SLC9C2: variants seen among roughly 807,000 people sequenced by gnomAD.
SLC9C2 encodes the protein sodium/hydrogen exchanger 11.
In SLC9C2, 75 loss-of-function variants were observed where a neutral mutation model predicts 140.2. The ratio of observed to expected loss-of-function variants is 0.53; its 90% CI spans 0.44 to 0.65. The LOEUF is 0.65. Ranked by LOEUF, SLC9C2 falls within the 30% of genes least tolerant of loss-of-function variation. SLC9C2 has a pLI of 0.00. For synonymous variants in SLC9C2, 375 were observed against 420.9 expected (o/e 0.89, Z 1.34); for missense variants, 1,074 against 1,331.8 (o/e 0.81, Z 3.01).
intron 12 of SLC9C2, 71 bp downstream of exon 12, chr1:173,548,318 A>G: frequency 7.0e-7 from 1 of 1,436,756 alleles, no homozygotes; most frequent in East Asian, 2.3e-5. Context: ...GGTCTTTAAC[A>G]ATAGGCTAAA....
At chr1:173,526,790 T>A in intron 18 of SLC9C2, 76 bp from the exon 19 acceptor site, 1 of 1,014,644 alleles carries the variant, frequency 9.9e-7, no homozygotes, top group Non-Finnish European at 1.5e-6. Flanking sequence ...AAACATGCAT[T>A]TCTTCTTATA....
chr1:173,565,425 T>A (rs889279754), intron 9 of SLC9C2, among the ~76,000 whole-genome samples: 2 of 152,222 alleles, frequency 1.3e-5, no homozygotes, highest in Admixed American at 1.3e-4. Flanking sequence ...CTTTCACTTA[T>A]GGATATCCAG....
At chr1:173,559,322 G>T (rs547010613) in intron 9 of SLC9C2, among the ~76,000 whole-genome samples, 1 of 152,304 alleles carries the variant, frequency 6.6e-6, no homozygotes, top group South Asian at 2.1e-4. Context: ...GGTGTAGAAG[G>T]AAATTCACAT....
intron 25 of SLC9C2, among the ~76,000 whole-genome samples, chr1:173,505,680 T>C (rs12027495): frequency 0.2 from 29,910 of 152,212 alleles, 4,234 homozygotes; most frequent in East Asian, 0.65. Context: ...ATGGCAAGAC[T>C]GTCTTCCTTT....
chr1:173,542,812 C>T (rs1029793352), intron 13 of SLC9C2, among the ~76,000 whole-genome samples: 4 of 152,174 alleles, frequency 2.6e-5, no homozygotes, highest in African/African-American at 9.7e-5. Context: ...TTCAACAGCC[C>T]TACATGCTAA....
chr1:173,505,203 T>A, intron 26 of SLC9C2, 44 bp downstream of exon 26: 1 of 1,473,378 alleles, frequency 6.8e-7, no homozygotes, highest in South Asian at 1.2e-5. Flanking sequence ...TGTATTGAAG[T>A]TCCTTCTCAA....
At chr1:173,511,164 G>C (rs1217100464) in intron 23 of SLC9C2, among the ~76,000 whole-genome samples, 2 of 150,638 alleles carry the variant, frequency 1.3e-5, no homozygotes, top group Non-Finnish European at 2.9e-5. Context: ...CACCCGAGTA[G>C]CTGGGACTAT....
chr1:173,551,051 A>T (rs1232727505), intron 11 of SLC9C2, among the ~76,000 whole-genome samples: 2 of 150,248 alleles, frequency 1.3e-5, no homozygotes, highest in Non-Finnish European at 3.0e-5. Context: ...GGGCTGTCAC[A>T]GGAAGTTCTG....
chr1:173,517,458 C>T, intron 23 of SLC9C2, 79 bp downstream of exon 23: 1 of 1,404,032 alleles, frequency 7.1e-7, no homozygotes, highest in Non-Finnish European at 9.5e-7. Context: ...GATGTCAAAA[C>T]CCCAAAAAAG....
intron 21 of SLC9C2, 34 bp from the exon 22 acceptor site, chr1:173,521,433 A>G (rs778314314): frequency 2.6e-6 from 3 of 1,173,950 alleles, no homozygotes; most frequent in Admixed American, 2.8e-5. Context: ...AAAGAAAAAG[A>G]GAGTCAACAC....
intron 21 of SLC9C2, 78 bp from the exon 22 acceptor site, chr1:173,521,477 C>A (rs1485529642): frequency 2.3e-4 from 58 of 254,510 alleles, no homozygotes; most frequent in South Asian, 4.1e-4. Context: ...TAAATATTTT[C>A]TATATATATA....
At chr1:173,505,088 T>C (rs1659540289) in intron 26 of SLC9C2, among the ~76,000 whole-genome samples, 159 bp downstream of exon 26, 1 of 152,172 alleles carries the variant, frequency 6.6e-6, no homozygotes, top group Admixed American at 6.5e-5. Context: ...ATATGTGACC[T>C]CCCAGGGCAA....
At chr1:173,530,112 C>T (rs1011285095) in intron 17 of SLC9C2, 58 bp from the exon 18 acceptor site, 1 of 1,470,410 alleles carries the variant, frequency 6.8e-7, no homozygotes. Flanking sequence ...AAAGCACCCT[C>T]TGAGGCAGAA....
chr1:173,583,655 T>A, intron 5 of SLC9C2, 33 bp from the exon 6 acceptor site: 1 of 1,069,740 alleles, frequency 9.3e-7, no homozygotes, highest in Non-Finnish European at 1.4e-6. Context: ...TAACTCAATA[T>A]GCTACATGAA....
At chr1:173,512,557 G>A (rs1436421847) in intron 23 of SLC9C2, among the ~76,000 whole-genome samples, 4 of 152,212 alleles carry the variant, frequency 2.6e-5, no homozygotes, top group African/African-American at 4.8e-5. Context: ...TGTGGACTGA[G>A]ACAATGGGGT....
intron 13 of SLC9C2, among the ~76,000 whole-genome samples, chr1:173,540,111 G>A (rs1185621671): frequency 7.9e-5 from 12 of 152,120 alleles, no homozygotes; most frequent in Admixed American, 5.9e-4. Flanking sequence ...TCACCCTGTT[G>A]GAACCCAGAG....
chr1:173,573,068 G>A (rs2102179440), intron 9 of SLC9C2, 114 bp downstream of exon 9: 3 of 675,016 alleles, frequency 4.4e-6, no homozygotes, highest in East Asian at 6.2e-5. Flanking sequence ...TAACAATGCC[G>A]GTTTCCTGGC....
rs150977948 is a variant in SLC9C2, at chr1:173,543,616, T to C, written c.1557+4073A>G. 4.3e-3 allele frequency among the ~76,000 whole-genome samples: 658 copies of C among 152,238 alleles called. 5 individuals carry two copies. The highest frequency in any genetic ancestry group is 0.015 in the African/African-American group (629 of 41,538). The stretch of plus-strand genomic sequence containing the variant: ...CTGACTTCAAACTATACTACAAGGC[T>C]ACAGTAACAAAAACAGCATGGTACT... On this transcript the variant is annotated intron_variant, in intron 13 of 27. Coordinates refer to ENST00000367714, the MANE Select transcript of SLC9C2 (RefSeq NM_178527.4).
chr1:173,513,210 A>G (rs553447863), intron 23 of SLC9C2, among the ~76,000 whole-genome samples: 3 of 151,744 alleles, frequency 2.0e-5, no homozygotes, highest in African/African-American at 4.8e-5. Flanking sequence ...CACCTTTTCA[A>G]CTCTTTGGAG....
Sources: allele counts gnomAD v4.1 joint callset (sites outside exome capture counted in the v4.1 genomes callset), GRCh38; gene constraint gnomAD v4.1.1; transcripts MANE v1.5; gene names NCBI Gene and HGNC (gene_info 2026-07-23, HGNC 2026-07-21).